Variants in IRAK1BP1 observed in about 807,000 individuals in gnomAD.
IRAK1BP1 encodes interleukin 1 receptor associated kinase 1 binding protein 1.
In IRAK1BP1, 24 loss-of-function variants were observed where a neutral mutation model predicts 28.0. That is an observed-to-expected ratio of 0.86 (90% CI 0.62 to 1.20). The LOEUF is 1.20. IRAK1BP1 is among the 50% of genes most tolerant of loss of function. The pLI is 0.00. For synonymous variants in IRAK1BP1, 131 were observed against 116.3 expected (o/e 1.13, Z -0.81); for missense variants, 336 against 316.7 (o/e 1.06, Z -0.46).
chr6:78,947,522 A>AAG (rs2127683492), downstream of IRAK1BP1: 1 of 596,132 alleles, frequency 1.7e-6, no homozygotes, highest in East Asian at 2.9e-5. Context: ...ATGTAACAGA[A>AAG]AGTTAACTTT....
chr6:78,935,733 G>T, intron 4 of IRAK1BP1: 1 of 985,200 alleles, frequency 1.0e-6, no homozygotes. Flanking sequence ...AAACTCTAAT[G>T]AACCAGCATT....
At chr6:78,883,627 A>G (rs962113064) in intron 1 of IRAK1BP1, among the ~76,000 whole-genome samples, 18 of 152,218 alleles carry the variant, frequency 1.2e-4, no homozygotes, top group African/African-American at 4.3e-4. Context: ...ATGTCATAAA[A>G]TATTAAATGA....
the IRAK1BP1 span, among the ~76,000 whole-genome samples, chr6:78,954,436 T>G: frequency 2.6e-5 from 4 of 152,010 alleles, no homozygotes; most frequent in South Asian, 8.3e-4. Context: ...TCTCTTTACA[T>G]CTCCATAATC....
Position 78,871,218 on chromosome 6 carries a change from C to A in IRAK1BP1, c.315+3327C>A, listed in dbSNP as rs1038971395. On this transcript the variant is annotated intron_variant, in intron 1 of 3. Transcript: ENST00000369940. ...CTCTGCTTCCCCTTTATTTTCTTCTCTCTCCAACTGTAGGCATAAAATGAC... is the reference window on the plus strand; with the variant it reads ...CTCTGCTTCCCCTTTATTTTCTTCTATCTCCAACTGTAGGCATAAAATGAC... 6 of 971,908 alleles carry A rather than the reference C, an allele frequency of 6.2e-6. No homozygotes were observed. The African/African-American group carries it at 8.8e-5, about 14-fold the overall frequency. 60.2% of individuals were successfully genotyped at this position (971,908 alleles called of 1,614,324 possible). A position where few individuals can be genotyped will look rare whatever the true frequency, so the allele number is the denominator to read the frequency against.
chr6:78,921,429 G>T (rs1197513856), intron 4 of IRAK1BP1, among the ~76,000 whole-genome samples: 1 of 152,236 alleles, frequency 6.6e-6, no homozygotes, highest in Non-Finnish European at 1.5e-5. Flanking sequence ...CAACCGGGAA[G>T]CTCGAACTGG....
chr6:78,934,138 C>T (rs976101914), intron 4 of IRAK1BP1, among the ~76,000 whole-genome samples: 13 of 152,064 alleles, frequency 8.5e-5, no homozygotes, highest in African/African-American at 3.1e-4. Context: ...GGGGGAATGG[C>T]CATTTATTGG....
the IRAK1BP1 span, among the ~76,000 whole-genome samples, chr6:78,965,340 C>T: frequency 6.6e-6 from 1 of 152,100 alleles, no homozygotes; most frequent in African/African-American, 2.4e-5. Flanking sequence ...AACTGATGTC[C>T]GTCTCACTCA....
chr6:78,911,843 T>G (rs1211304721), intron 4 of IRAK1BP1, among the ~76,000 whole-genome samples: 2 of 152,210 alleles, frequency 1.3e-5, no homozygotes, highest in African/African-American at 4.8e-5. Context: ...GAGTTTAATC[T>G]GTCAATCTAC....
chr6:78,958,052 T>G, the IRAK1BP1 span: 1 of 158,750 alleles, frequency 6.3e-6, no homozygotes, highest in African/African-American at 2.4e-5. Context: ...TTAACCACTA[T>G]AGGCCACAGT....
downstream of IRAK1BP1, chr6:78,903,220 C>A (rs1772165886): frequency 1.7e-6 from 1 of 580,660 alleles, no homozygotes; most frequent in South Asian, 2.7e-5. Flanking sequence ...TGGTGGCTCA[C>A]ATGTGTAATC....
downstream of IRAK1BP1, among the ~76,000 whole-genome samples, chr6:78,907,972 C>T (rs1361541261): frequency 6.6e-6 from 1 of 151,964 alleles, no homozygotes; most frequent in Non-Finnish European, 1.5e-5. Context: ...CCCGCCTCAG[C>T]CTCCCAAAGT....
At chr6:78,881,952 A>G (rs575637727) in intron 1 of IRAK1BP1, among the ~76,000 whole-genome samples, 1 of 152,230 alleles carries the variant, frequency 6.6e-6, no homozygotes, top group East Asian at 1.9e-4. Flanking sequence ...TTACCTTTGT[A>G]TATTGTACAG....
chr6:78,873,254 C>CCAA (rs1770854920), intron 1 of IRAK1BP1, among the ~76,000 whole-genome samples: 3 of 41,106 alleles, frequency 7.3e-5, no homozygotes, highest in African/African-American at 3.1e-4. Flanking sequence ...AACTCTGTCT[C>CCAA]AAAAAAAAAA....
chr6:78,954,879 T>G, the IRAK1BP1 span: 1 of 1,585,034 alleles, frequency 6.3e-7, no homozygotes, highest in Non-Finnish European at 8.6e-7. Flanking sequence ...AATATGAGAT[T>G]TAACAATTCT....
chr6:78,973,040 C>T, the IRAK1BP1 span, among the ~76,000 whole-genome samples: 1 of 152,110 alleles, frequency 6.6e-6, no homozygotes, highest in Non-Finnish European at 1.5e-5. Context: ...CATAAAGATA[C>T]TCCTCGAGAA....
intron 1 of IRAK1BP1, among the ~76,000 whole-genome samples, chr6:78,877,508 A>T (rs1250785190): frequency 1.3e-5 from 2 of 152,218 alleles, no homozygotes; most frequent in African/African-American, 4.8e-5. Context: ...CTGGGCTGGC[A>T]TAGGTTCCAA....
the IRAK1BP1 span, chr6:78,956,735 C>A: frequency 4.6e-4 from 70 of 152,268 alleles, no homozygotes; most frequent in African/African-American, 1.6e-3. Context: ...TCAGTATCTA[C>A]ACCTTGTATA....
chr6:78,875,377 C>T (rs942691267), intron 1 of IRAK1BP1, among the ~76,000 whole-genome samples: 2 of 151,970 alleles, frequency 1.3e-5, no homozygotes, highest in Non-Finnish European at 1.5e-5. Flanking sequence ...ATCTCTTTGC[C>T]GGGCCTATAC....
Position 78,908,227 on chromosome 6 carries a change from A to G in IRAK1BP1, c.*67+5117A>G, listed in dbSNP as rs540519710. Among the ~76,000 whole-genome samples, 8 of 147,206 alleles carry G rather than the reference A, an allele frequency of 5.4e-5. No homozygotes were observed. In the South Asian group the frequency reaches 1.1e-3, roughly 20 times the overall value. ...CATCATGCCTGGCTAATTTTTTTGT[A>G]TTTTTAGTAGAGATGGGGTTTCACC... On this transcript the variant is annotated intron_variant and NMD_transcript_variant, in intron 4 of 4. Coordinates refer to the IRAK1BP1 transcript ENST00000606868.
Sources: gnomAD v4.1 joint callset for allele counts (sites outside exome capture counted in the v4.1 genomes callset) on GRCh38, gnomAD v4.1.1 for gene constraint, MANE v1.5 for transcripts, NCBI Gene and HGNC (gene_info 2026-07-23, HGNC 2026-07-21) for gene names.